The following EVC2 variants were observed in gnomAD, a reference collection of about 807,000 sequenced individuals.
EVC2 encodes the protein limbin.
A neutral mutation model predicts 149.3 loss-of-function variants in EVC2; 148 were observed. The observed-to-expected ratio is 0.99, with a 90% CI of 0.87 to 1.14. The LOEUF (loss-of-function observed/expected upper bound fraction) is 1.14, where lower values mean the gene tolerates loss of function less well. Among genes scored for constraint, EVC2 ranks in the 50% most tolerant of loss-of-function variants. EVC2 has a pLI of 0.00. For synonymous variants in EVC2, 776 were observed against 649.9 expected (o/e 1.19, Z -2.95); for missense variants, 1,854 against 1,627.3 (o/e 1.14, Z -2.40).
At chr4:5,648,430 T>G (rs1222278402) in intron 9 of EVC2, among the ~76,000 whole-genome samples, 2 of 152,190 alleles carry the variant, frequency 1.3e-5, no homozygotes, top group African/African-American at 2.4e-5. Context: ...CTGCTTGTGT[T>G]GGGAAAATGG....
chr4:5,660,258 G>C (rs977685637), intron 9 of EVC2, among the ~76,000 whole-genome samples: 3 of 152,156 alleles, frequency 2.0e-5, no homozygotes, highest in African/African-American at 7.2e-5. Flanking sequence ...TGCAAGGTCA[G>C]CCCTGCACTT....
Position 5,562,673 on chromosome 4 carries a change from T to A in EVC2, c.*175A>T. On this transcript the variant is annotated 3_prime_UTR_variant, in exon 22 of 22. Transcript: ENST00000344408. This position sits in a 1 kb window ranked among gnomAD's most constrained non-coding sequence, Gnocchi z 4.3. ...TGGAAGAGAGTGGGCCATCTGGAAA[T>A]TCATGAGACAAGATTAAACCGAGTC... is the stretch of plus-strand genomic sequence containing the variant. 1 of 1,468,652 alleles carries A rather than the reference T, an allele frequency of 6.8e-7. No individual in the cohort carries two copies. The highest frequency in any genetic ancestry group is 8.9e-7 in the Non-Finnish European group (1 of 1,117,624). 91.0% of individuals were successfully genotyped at this position (1,468,652 alleles called of 1,614,324 possible).
chr4:5,531,897 C>T, the EVC2 span, among the ~76,000 whole-genome samples: 3 of 152,038 alleles, frequency 2.0e-5, no homozygotes, highest in Admixed American at 2.0e-4. Flanking sequence ...TGCAACCGGT[C>T]CCTGGTGCCA....
rs188700706 is a variant in EVC2 at position 5,618,133 on chromosome 4, G to T, written c.2706+345C>A. 6.6e-6 allele frequency among the ~76,000 whole-genome samples: 1 copy of T among 152,292 alleles called. No individual in the cohort carries two copies. ...CTTTTGTACCCAGAGTCAGTCATTA[G>T]CTGTGGCTGGAGGAGGGGGCAGGAG... On this transcript the variant is annotated intron_variant, in intron 15 of 21. Coordinates refer to ENST00000344408, the MANE Select transcript of EVC2 (RefSeq NM_147127.5). The surrounding 1 kb of genome is among the most constrained non-coding windows in gnomAD (Gnocchi z 4.4).
intron 1 of EVC2, among the ~76,000 whole-genome samples, chr4:5,703,411 T>C (rs1358914570): frequency 6.6e-6 from 1 of 152,310 alleles, no homozygotes; most frequent in African/African-American, 2.4e-5. Flanking sequence ...TCAGGCACGT[T>C]GAGTGCTACA....
rs1013983251 is a variant in EVC2 at position 5,696,327 on chromosome 4, C to T, written c.283+1266G>A. Among the ~76,000 whole-genome samples, 4 of 152,196 alleles carry T rather than the reference C, an allele frequency of 2.6e-5. No individual in the cohort carries two copies. Among genetic ancestry groups the T allele is most frequent in the Admixed American group, 2.0e-4 (3 of 15,286 alleles). On this transcript the variant is annotated intron_variant, in intron 2 of 21. Transcript: ENST00000344408. The surrounding 1 kb of genome is among the most constrained non-coding windows in gnomAD (Gnocchi z 4.1). ...AAGTGATCCCTCCCTTCAGAGAGGA[C>T]CCCTCCTCTATTCAGCAAGAATCCC...
intron 7 of EVC2, among the ~76,000 whole-genome samples, chr4:5,673,662 T>C (rs899873940): frequency 6.6e-6 from 1 of 152,220 alleles, no homozygotes; most frequent in Non-Finnish European, 1.5e-5. Flanking sequence ...CAGATGCCTT[T>C]GATGCATTCT....
chr4:5,534,833 A>G, the EVC2 span, among the ~76,000 whole-genome samples: 1 of 151,868 alleles, frequency 6.6e-6, no homozygotes, highest in Non-Finnish European at 1.5e-5. Context: ...AAAAAAAAAA[A>G]AAAAAAAAGC....
intron 16 of EVC2, among the ~76,000 whole-genome samples, chr4:5,593,962 T>C (rs1577131590): frequency 6.6e-6 from 1 of 152,340 alleles, no homozygotes; most frequent in East Asian, 1.9e-4. Flanking sequence ...GGAGTCTCGC[T>C]GATTGCTAGC....
intron 10 of EVC2, 70 bp from the exon 11 acceptor site, chr4:5,632,102 A>T (rs1165566519): frequency 1.7e-5 from 27 of 1,595,094 alleles, no homozygotes; most frequent in Non-Finnish European, 2.1e-5. Flanking sequence ...CATGCAATGC[A>T]ATGTGTACAG....
At position 5,568,232 on chromosome 4, in the gene EVC2, A is replaced by AT. The variant is rs34681984; in HGVS notation, c.3557+211dup. Among the ~76,000 whole-genome samples the AT allele has an allele frequency of 2.0e-3, 302 of 149,190 alleles. 1 individual carries two copies. Among genetic ancestry groups the AT allele is most frequent in the African/African-American group, 3.7e-3 (149 of 40,620 alleles). ...CTTTCTCTTCTTCCTCTTTTTATGC[A>AT]TTTTTTTTTTTACGTTTTCTTTAAT... On this transcript the variant is annotated intron_variant, in intron 20 of 21. Coordinates refer to ENST00000344408, the MANE Select transcript of EVC2 (RefSeq NM_147127.5).
chr4:5,560,398 G>T (rs951258997), downstream of EVC2, among the ~76,000 whole-genome samples: 1 of 152,162 alleles, frequency 6.6e-6, no homozygotes, highest in Non-Finnish European at 1.5e-5. This position sits in a 1 kb window ranked among gnomAD's most constrained non-coding sequence, Gnocchi z 4.1. Flanking sequence ...GGAAGCTTAC[G>T]ATCATGGCAG....
At chr4:5,583,739 G>A (rs1712009757) in intron 17 of EVC2, among the ~76,000 whole-genome samples, 1 of 146,146 alleles carries the variant, frequency 6.8e-6, no homozygotes, top group Non-Finnish European at 1.5e-5. Flanking sequence ...TTTAATGGTT[G>A]CTCTTGCCAA....
chr4:5,681,243 C>A lies in EVC2; in HGVS notation c.870+17G>T. On this transcript the variant is annotated intron_variant, in intron 7 of 21. Transcript: ENST00000344408. ...AGGTGTGTCCTGAGGGTGCTCAGGGCATGTCATGTCTCTTACCGTTACGTT... is the reference window on the plus strand; with the variant it reads ...AGGTGTGTCCTGAGGGTGCTCAGGGAATGTCATGTCTCTTACCGTTACGTT... The A allele has an allele frequency of 6.2e-7, 1 of 1,614,168 alleles. No individual in the cohort carries two copies. Among genetic ancestry groups the A allele is most frequent in the Non-Finnish European group, 8.5e-7 (1 of 1,179,994 alleles).
chr4:5,626,039 T>C, intron 12 of EVC2, 131 bp from the exon 13 acceptor site: 1 of 1,106,804 alleles, frequency 9.0e-7, no homozygotes, highest in Non-Finnish European at 1.3e-6. Context: ...TCCAGAAGAA[T>C]TACAAGAATG....
chr4:5,665,719 TTGAG>T, intron 7 of EVC2, 70 bp from the exon 8 acceptor site: 3 of 1,588,908 alleles, frequency 1.9e-6, no homozygotes, highest in Non-Finnish European at 2.6e-6. Context: ...TCACAGATGA[TTGAG>T]TGTCAGAGCA....
At chr4:5,652,074 A>G (rs1718184232) in intron 9 of EVC2, among the ~76,000 whole-genome samples, 1 of 152,228 alleles carries the variant, frequency 6.6e-6, no homozygotes, top group Admixed American at 6.5e-5. Flanking sequence ...TTTTCAGCAC[A>G]TGTGACCCAA....
rs959724053 is a variant in EVC2, at chr4:5,639,824, C to T, written c.1470+690G>A. 3.3e-5 allele frequency among the ~76,000 whole-genome samples: 5 copies of T among 152,170 alleles called. No individual in the cohort carries two copies. In the East Asian group the frequency reaches 9.6e-4, roughly 29 times the overall value. ...CCCATGAATTCTACAGCATTGTGAA[C>T]ATACCTCTATTATAACATGACTGAA... On this transcript the variant is annotated intron_variant, in intron 10 of 21. Transcript: ENST00000344408.
chr4:5,700,818 G>A (rs1483878360), intron 1 of EVC2, among the ~76,000 whole-genome samples: 4 of 152,176 alleles, frequency 2.6e-5, no homozygotes, highest in East Asian at 1.9e-4. Context: ...AGCTCCTGTC[G>A]AGGTCACCAC....
Sources: gnomAD v4.1 joint callset for allele counts (sites outside exome capture counted in the v4.1 genomes callset) on GRCh38, gnomAD v4.1.1 for gene constraint, Gnocchi (gnomAD v3.1) non-coding constraint, MANE v1.5 for transcripts, NCBI Gene and HGNC (gene_info 2026-07-23, HGNC 2026-07-21) for gene names.